Variants in PCDHA8 observed in about 807,000 individuals in gnomAD.
The protein encoded by PCDHA8 is protocadherin alpha 8, also known as protocadherin alpha-8.
Under a neutral mutation model 61.8 loss-of-function variants are expected in PCDHA8, and 53 were observed. That is an observed-to-expected ratio of 0.86 (90% CI 0.69 to 1.08). The LOEUF (loss-of-function observed/expected upper bound fraction) is 1.08. Ranked by LOEUF, PCDHA8 falls within the 50% of genes least tolerant of loss-of-function variation. The probability of loss-of-function intolerance (pLI) is 0.00; values close to 1 mark genes in which losing one functional copy is unlikely to be tolerated. For synonymous variants in PCDHA8, 618 were observed against 556.6 expected, an observed-to-expected ratio of 1.11 and a Z score of -1.55; for missense variants, 1,293 against 1,245.0, an observed-to-expected ratio of 1.04 and a Z score of -0.58.
intron 1 of PCDHA8, chr5:140,856,779 C>T (rs1554149103): frequency 6.3e-7 from 1 of 1,596,160 alleles, no homozygotes; most frequent in East Asian, 2.2e-5. Context: ...TTTGACAGAC[C>T]GGTTTATGAA....
intron 1 of PCDHA8, chr5:140,882,745 T>A (rs782756975): frequency 4.3e-6 from 7 of 1,614,124 alleles, no homozygotes; most frequent in African/African-American, 1.3e-5. Flanking sequence ...GCGCATCCGA[T>A]GCAGATATTG....
At position 140,941,253 on chromosome 5, in the gene PCDHA8, TTC is replaced by T. The variant is rs371538795; in HGVS notation, c.2395-37692_2395-37691del. 4.9e-3 allele frequency among the ~76,000 whole-genome samples: 316 copies of T among 64,734 alleles called. 2 individuals carry two copies. The highest frequency in any genetic ancestry group is 6.9e-3 in the Admixed American group (39 of 5,692). 42.5% of individuals were successfully genotyped at this position (64,734 alleles called of 152,430 possible). On this transcript the variant is annotated intron_variant, in intron 1 of 3. Coordinates refer to ENST00000531613, the MANE Select transcript of PCDHA8 (RefSeq NM_018911.3). ...TTTCTTTCTTTCTTTCTTTCTTTCT[TTC>T]TCTTTCTTTCTTTCTTTCCTTCCTT...
Position 140,939,297 on chromosome 5 carries a change from T to C in PCDHA8, c.2395-39652T>C, listed in dbSNP as rs116782192. Among the ~76,000 whole-genome samples the C allele has an allele frequency of 5.4e-3, 827 of 152,242 alleles. 3 individuals are homozygous for C. The highest frequency in any genetic ancestry group is 0.019 in the African/African-American group (796 of 41,542). ...TGTGCCCTCGTGATCTAATCATCTC[T>C]ACAAAAGCCCTACCTCCTAATATCA... On this transcript the variant is annotated intron_variant, in intron 1 of 3. Coordinates refer to ENST00000531613, the MANE Select transcript of PCDHA8 (RefSeq NM_018911.3).
At chr5:140,962,932 TC>T (rs1188109186) in intron 1 of PCDHA8, among the ~76,000 whole-genome samples, 20 of 152,266 alleles carry the variant, frequency 1.3e-4, no homozygotes, top group African/African-American at 4.3e-4. Flanking sequence ...CTTCTCAACC[TC>T]CTCTCCATAA....
intron 1 of PCDHA8, chr5:140,967,975 T>C (rs781819149): frequency 3.2e-5 from 52 of 1,614,016 alleles, no homozygotes; most frequent in African/African-American, 5.3e-5. Context: ...TGAGCCTGGG[T>C]CTGGAGGCCA....
intron 1 of PCDHA8, chr5:140,928,599 T>G: frequency 6.2e-7 from 1 of 1,614,224 alleles, no homozygotes. Context: ...CAGTGGAAAT[T>G]GTGCCCCGCT....
chr5:140,932,002 T>G (rs1305093438), intron 1 of PCDHA8, among the ~76,000 whole-genome samples: 1 of 151,956 alleles, frequency 6.6e-6, no homozygotes, highest in East Asian at 1.9e-4. Flanking sequence ...CTAAGTTCTT[T>G]CATTTTAGTT....
intron 3 of PCDHA8, among the ~76,000 whole-genome samples, chr5:140,988,221 T>A (rs1554249982): frequency 6.6e-6 from 1 of 152,016 alleles, no homozygotes; most frequent in Non-Finnish European, 1.5e-5. Context: ...AAAAATGAGA[T>A]CAGGGATCTA....
intron 1 of PCDHA8, among the ~76,000 whole-genome samples, chr5:140,951,497 A>G (rs2094591184): frequency 6.6e-6 from 1 of 152,030 alleles, no homozygotes; most frequent in Non-Finnish European, 1.5e-5. Flanking sequence ...GGTGGAAGGC[A>G]AAAGGAAAGC....
intron 1 of PCDHA8, chr5:140,876,687 C>CA (rs2056504367): frequency 1.2e-6 from 2 of 1,614,212 alleles, no homozygotes; most frequent in Non-Finnish European, 1.7e-6. Context: ...AGAATTACTA[C>CA]TCGTTGGTGC....
At chr5:140,958,810 G>T (rs2095443726) in intron 1 of PCDHA8, among the ~76,000 whole-genome samples, 1 of 151,988 alleles carries the variant, frequency 6.6e-6, no homozygotes, top group Non-Finnish European at 1.5e-5. Context: ...ACACCATTCT[G>T]TTTTAATTTT....
chr5:140,850,161 C>G, intron 1 of PCDHA8: 1 of 1,594,998 alleles, frequency 6.3e-7, no homozygotes, highest in Non-Finnish European at 8.6e-7. Context: ...GGTGTTCGTG[C>G]TGGACGAGAA....
intron 1 of PCDHA8, among the ~76,000 whole-genome samples, chr5:140,951,868 G>A (rs1325001328): frequency 2.6e-5 from 4 of 152,132 alleles, no homozygotes; most frequent in African/African-American, 9.7e-5. Flanking sequence ...AGTCTCATCT[G>A]AGACAAGGCA....
At chr5:140,930,420 A>T (rs996872425) in intron 1 of PCDHA8, 2 of 151,962 alleles carry the variant, frequency 1.3e-5, no homozygotes, top group Non-Finnish European at 2.9e-5. Context: ...CAGGGGTCTC[A>T]CTATGTTGCC....
chr5:140,850,663 G>C (rs2150492641), intron 1 of PCDHA8: 11 of 1,598,502 alleles, frequency 6.9e-6, no homozygotes, highest in African/African-American at 1.3e-5. Context: ...GTGCTGCGGT[G>C]CTCGGCGATG....
intron 1 of PCDHA8, chr5:140,876,762 G>A (rs1554168889): frequency 3.7e-6 from 6 of 1,614,252 alleles, no homozygotes; most frequent in Non-Finnish European, 5.1e-6. Flanking sequence ...CGCGGGATGG[G>A]GGCTCGCCTT....
chr5:140,847,580 C>G (rs1350641732), intron 1 of PCDHA8: 2 of 149,008 alleles, frequency 1.3e-5, no homozygotes, highest in African/African-American at 4.9e-5. Flanking sequence ...TAAGGATGAG[C>G]AATAATGAAA....
At chr5:140,923,043 T>C (rs1274355780) in intron 1 of PCDHA8, among the ~76,000 whole-genome samples, 2 of 152,228 alleles carry the variant, frequency 1.3e-5, no homozygotes, top group Non-Finnish European at 1.5e-5. Context: ...ACATGTATAG[T>C]ATTTAGAATA....
At chr5:140,891,888 T>C (rs1562860973) in intron 1 of PCDHA8, among the ~76,000 whole-genome samples, 1 of 152,212 alleles carries the variant, frequency 6.6e-6, no homozygotes, top group Non-Finnish European at 1.5e-5. Context: ...CATGTGACGA[T>C]GCAGCAAGAA....
Sources: gnomAD v4.1 joint callset for allele counts (sites outside exome capture counted in the v4.1 genomes callset) on GRCh38, gnomAD v4.1.1 for gene constraint, MANE v1.5 for transcripts, NCBI Gene and HGNC (gene_info 2026-07-23, HGNC 2026-07-21) for gene names.